The following IRAK4 variants were observed in gnomAD, a reference collection of about 807,000 sequenced individuals.
The protein encoded by IRAK4 is interleukin-1 receptor-associated kinase 4.
In IRAK4, 44 loss-of-function variants were observed where a neutral mutation model predicts 51.8. The ratio of observed to expected loss-of-function variants is 0.85; its 90% CI spans 0.67 to 1.09. The LOEUF is 1.09. IRAK4 is among the 50% of genes least tolerant of loss of function. IRAK4 has a pLI of 0.00. For synonymous variants in IRAK4, 149 were observed against 174.1 expected, an observed-to-expected ratio of 0.86 and a Z score of 1.13; for missense variants, 487 against 538.0, an observed-to-expected ratio of 0.91 and a Z score of 0.94.
intron 6 of IRAK4, among the ~76,000 whole-genome samples, chr12:43,775,676 A>C (rs1941193851): frequency 6.6e-6 from 1 of 152,144 alleles, no homozygotes; most frequent in South Asian, 2.1e-4. Context: ...AGTTCTTTGC[A>C]CATAAATCTT....
chr12:43,783,852 A>G, intron 10 of IRAK4, 128 bp downstream of exon 10: 1 of 682,098 alleles, frequency 1.5e-6, no homozygotes. Flanking sequence ...ATTACACGAC[A>G]GCATATGGAA....
At chr12:43,759,902 G>A (rs1010579792) in intron 1 of IRAK4, among the ~76,000 whole-genome samples, 23 of 150,224 alleles carry the variant, frequency 1.5e-4, no homozygotes, top group Non-Finnish European at 1.8e-4. Flanking sequence ...CAAACCCTGA[G>A]AAAGCGAGAA....
At chr12:43,775,874 CT>C (rs770553873) in intron 6 of IRAK4, among the ~76,000 whole-genome samples, 192 of 90,536 alleles carry the variant, frequency 2.1e-3, no homozygotes, top group African/African-American at 4.8e-3. Flanking sequence ...AATATCATTA[CT>C]TTTTTTTTTT....
At chr12:43,765,866 A>C (rs896149926) in intron 1 of IRAK4, among the ~76,000 whole-genome samples, 3 of 149,370 alleles carry the variant, frequency 2.0e-5, no homozygotes, top group Non-Finnish European at 4.4e-5. Flanking sequence ...ACTTCATTCT[A>C]TCTCCCTTTC....
rs4251574 is a variant in IRAK4 at position 43,772,054 on chromosome 12, C to T, written c.308-126C>T. On this transcript the variant is annotated intron_variant, in intron 3 of 11. Transcript: ENST00000613694. ...CTTACTAGGCAGCTTCTTGTGTGTG[C>T]TGTGAGAATATGAGACCAACCTGTA... The T allele has an allele frequency of 0.055, 38,817 of 711,860 alleles. 1,384 individuals carry two copies. Among genetic ancestry groups the T allele is most frequent in the Middle Eastern group, 0.1 (289 of 2,824 alleles). 44.1% of individuals were successfully genotyped at this position (711,860 alleles called of 1,614,324 possible). A position where few individuals can be genotyped will look rare whatever the true frequency, so the allele number is the denominator to read the frequency against.
intron 8 of IRAK4, among the ~76,000 whole-genome samples, chr12:43,781,704 G>A (rs928791559): frequency 2.0e-5 from 3 of 152,064 alleles, no homozygotes; most frequent in African/African-American, 7.2e-5. Flanking sequence ...TTAAGACTCC[G>A]CCATGCCCAG....
chr12:43,780,948 T>A (rs781322293), intron 8 of IRAK4, among the ~76,000 whole-genome samples: 2 of 152,204 alleles, frequency 1.3e-5, no homozygotes, highest in Non-Finnish European at 2.9e-5. Flanking sequence ...TGAATCTGTA[T>A]TATTAGCTTC....
At position 43,766,015 on chromosome 12, in the gene IRAK4, A is replaced by T. The variant is rs147151746; in HGVS notation, c.-9-2088A>T. 9.2e-5 allele frequency among the ~76,000 whole-genome samples: 14 copies of T among 152,270 alleles called. No individual in the cohort carries two copies. The East Asian group carries it at 2.5e-3, about 27-fold the overall frequency. On this transcript the variant is annotated intron_variant, in intron 1 of 11. Coordinates refer to ENST00000613694, the MANE Select transcript of IRAK4 (RefSeq NM_016123.4). ...CCTGGATTATTGCAGAAGTTTTCAA[A>T]CTAATTTTCTTGCCTCAATATACAT...
intron 1 of IRAK4, among the ~76,000 whole-genome samples, chr12:43,763,932 C>A (rs1466645467): frequency 6.6e-6 from 1 of 152,108 alleles, no homozygotes; most frequent in Non-Finnish European, 1.5e-5. Flanking sequence ...TGGTATGCTA[C>A]CATCCTGGTT....
chr12:43,781,446 G>A (rs1941772684), intron 8 of IRAK4, among the ~76,000 whole-genome samples: 1 of 152,168 alleles, frequency 6.6e-6, no homozygotes, highest in South Asian at 2.1e-4. Flanking sequence ...CTCGTTCCTT[G>A]AAGTTGACCA....
Position 43,770,249 on chromosome 12 carries a change from T to C in IRAK4, c.162-971T>C, listed in dbSNP as rs143512225. On this transcript the variant is annotated intron_variant, in intron 2 of 11. Coordinates refer to ENST00000613694, the MANE Select transcript of IRAK4 (RefSeq NM_016123.4). ...TTTTTCAATTTAATTGAATTACAGT[T>C]AAGATCAAAGGAATAATTTCCTAAG... Among the ~76,000 whole-genome samples, 419 of 152,346 alleles carry C rather than the reference T, an allele frequency of 2.8e-3. 2 individuals are homozygous for C. Among genetic ancestry groups the C allele is most frequent in the African/African-American group, 9.3e-3 (387 of 41,586 alleles).
intron 1 of IRAK4, among the ~76,000 whole-genome samples, chr12:43,766,587 A>G (rs1940174724): frequency 6.6e-6 from 1 of 152,192 alleles, no homozygotes; most frequent in African/African-American, 2.4e-5. Context: ...TCATGAATGA[A>G]AGGAAAGGAA....
At chr12:43,780,776 G>A (rs755262878) in intron 8 of IRAK4, among the ~76,000 whole-genome samples, 3 of 152,076 alleles carry the variant, frequency 2.0e-5, no homozygotes, top group Non-Finnish European at 4.4e-5. Context: ...TCTCCATGTT[G>A]ATCAGGTTGG....
intron 3 of IRAK4, 94 bp downstream of exon 3, chr12:43,771,459 A>G (rs1353767113): frequency 7.7e-7 from 1 of 1,301,486 alleles, no homozygotes; most frequent in East Asian, 2.4e-5. Flanking sequence ...TTTTTCTCAT[A>G]GTAGATGAAG....
rs1939105126 is a variant in IRAK4, at chr12:43,758,983, C to T, written c.-43C>T. 1.3e-5 allele frequency: 2 copies of T among 152,654 alleles called. No homozygotes were observed. The highest frequency in any genetic ancestry group is 2.4e-5 in the African/African-American group (1 of 41,450). The allele number at this position is 152,654 out of a possible 1,614,324, so 9.5% of individuals were successfully genotyped here. A position where few individuals can be genotyped will look rare whatever the true frequency, so the allele number is the denominator to read the frequency against. ...GCGCTTCCTAGTTCGGCTGGTTCTTCTGTCGCCGGCTTCAGCAGCCCGCGC... is the reference window on the plus strand; with the variant it reads ...GCGCTTCCTAGTTCGGCTGGTTCTTTTGTCGCCGGCTTCAGCAGCCCGCGC... On this transcript the variant is annotated 5_prime_UTR_variant, in exon 1 of 12. Coordinates refer to ENST00000613694, the MANE Select transcript of IRAK4 (RefSeq NM_016123.4).
At chr12:43,769,417 G>T (rs761237234) in intron 2 of IRAK4, among the ~76,000 whole-genome samples, 7 of 152,108 alleles carry the variant, frequency 4.6e-5, no homozygotes, top group Non-Finnish European at 7.4e-5. Context: ...CCTAACACTT[G>T]TGGAGACCGA....
At chr12:43,778,918 G>C (rs1181713228) in intron 8 of IRAK4, among the ~76,000 whole-genome samples, 1 of 152,174 alleles carries the variant, frequency 6.6e-6, no homozygotes. Flanking sequence ...TAGAATGGAT[G>C]ATGGGGAGAA....
chr12:43,786,411 G>A lies in IRAK4; in HGVS notation c.1201G>A (p.Glu401Lys), dbSNP rs760580944. 3 of 1,584,508 alleles carry A rather than the reference G, an allele frequency of 1.9e-6. No homozygotes were observed. The highest frequency in any genetic ancestry group is 8.6e-7 in the Non-Finnish European group (1 of 1,161,746). Residue 401 changes from glutamate (E) to lysine (K), a missense_variant, in exon 11 of 12, where the codon GAA becomes AAA. Physicochemically the swap from Glu to Lys is moderately conservative, Grantham distance 56 (BLOSUM62 1). Coordinates refer to ENST00000613694, the MANE Select transcript of IRAK4 (RefSeq NM_016123.4). ...ACTCATTTTAAAGCTAGATATTAAA[G>A]AAGAAATTGAAGATGAAGAAAAGAC... ...REPQLLLDIK[E>K]EIEDEEKTIE... is the part of the protein sequence containing the mutation.
At chr12:43,777,990 A>G (rs763745361) in intron 7 of IRAK4, among the ~76,000 whole-genome samples, 1 of 152,160 alleles carries the variant, frequency 6.6e-6, no homozygotes, top group Non-Finnish European at 1.5e-5. Flanking sequence ...GCTTTTATAT[A>G]TTTTTATCTT....
Sources: allele counts gnomAD v4.1 joint callset (sites outside exome capture counted in the v4.1 genomes callset), GRCh38; gene constraint gnomAD v4.1.1; transcripts MANE v1.5; gene names NCBI Gene and HGNC (gene_info 2026-07-23, HGNC 2026-07-21).